Variants in TUBA1C observed in about 807,000 individuals in gnomAD.
TUBA1C encodes the protein tubulin alpha 1c, also known as tubulin alpha-1C chain.
TUBA1C carries 16 observed loss-of-function variants against 34.9 expected under a neutral mutation model. The observed-to-expected ratio is 0.46, with a 90% CI of 0.31 to 0.70. The LOEUF (loss-of-function observed/expected upper bound fraction) is 0.70, where lower values mean the gene tolerates loss of function less well. Ranked by LOEUF, TUBA1C falls within the 30% of genes least tolerant of loss-of-function variation. The pLI, the probability that TUBA1C is intolerant of heterozygous loss-of-function variation, is 0.05. For synonymous variants in TUBA1C, 177 were observed against 215.9 expected, an observed-to-expected ratio of 0.82 and a Z score of 1.58; for missense variants, 329 against 587.3, an observed-to-expected ratio of 0.56 and a Z score of 4.55.
In TUBA1C at chr12:49,269,461, A is replaced by G; in HGVS notation, c.4-4A>G. ...CCTGACATTTTCCTTTCTTCCTCCC[A>G]CAGCGTGAGTGCATCTCCATCCACG... On this transcript the variant is annotated splice_region_variant and splice_polypyrimidine_tract_variant and intron_variant, in intron 1 of 3. Transcript: ENST00000301072. The G allele has an allele frequency of 1.9e-6, 3 of 1,614,080 alleles. No homozygotes were observed. Among genetic ancestry groups the G allele is most frequent in the Non-Finnish European group, 2.5e-6 (3 of 1,180,014 alleles).
At chr12:49,256,409 G>C (rs1342244960) in intron 1 of TUBA1C, 1 of 455,126 alleles carries the variant, frequency 2.2e-6, no homozygotes, top group Non-Finnish European at 4.4e-6. Context: ...TGTGAACCCA[G>C]CTCTGTCCCT....
At chr12:49,267,831 T>C (rs192226858) in intron 1 of TUBA1C, among the ~76,000 whole-genome samples, 1 of 151,990 alleles carries the variant, frequency 6.6e-6, no homozygotes, top group Admixed American at 6.6e-5. Flanking sequence ...GTAATTAGGG[T>C]TTTTATTATC....
intron 1 of TUBA1C, among the ~76,000 whole-genome samples, chr12:49,251,205 C>G (rs1165089081): frequency 6.6e-6 from 1 of 152,106 alleles, no homozygotes; most frequent in Non-Finnish European, 1.5e-5. Context: ...GAGACCCTGT[C>G]TCAAGAACAA....
chr12:49,270,126 C>T (rs1942972048), intron 3 of TUBA1C, 150 bp downstream of exon 3: 1 of 1,488,096 alleles, frequency 6.7e-7, no homozygotes, highest in Non-Finnish European at 9.3e-7. Flanking sequence ...ATTTCTGAAC[C>T]AGATGATCTT....
intron 1 of TUBA1C, among the ~76,000 whole-genome samples, chr12:49,240,297 A>G (rs936327767): frequency 3.8e-5 from 5 of 131,016 alleles, no homozygotes; most frequent in African/African-American, 1.6e-4. Flanking sequence ...CCATTCTCTG[A>G]AAAAAAAAAA....
In TUBA1C at chr12:49,269,648, C is replaced by G; in HGVS notation, c.187C>G (p.Pro63Ala). The G allele has an allele frequency of 3.1e-6, 5 of 1,614,170 alleles. No individual in the cohort carries two copies. Among genetic ancestry groups the G allele is most frequent in the Non-Finnish European group, 4.2e-6 (5 of 1,180,032 alleles). Residue 63 changes from proline (P) to alanine (A), a missense_variant, in exon 2 of 4, where the codon CCC (proline) becomes GCC (alanine). Physicochemically the swap from Pro to Ala is conservative, Grantham distance 27. Transcript: ENST00000301072. The part of the protein sequence containing the change: ...FSETGAGKHV[P>A]RAVFVDLEPT... ...TGAAACGGGTGCTGGCAAGCATGTG[C>G]CCCGGGCAGTGTTTGTAGACTTGGA...
intron 1 of TUBA1C, among the ~76,000 whole-genome samples, chr12:49,265,990 C>T (rs1049089379): frequency 7.9e-6 from 1 of 127,260 alleles, no homozygotes; most frequent in African/African-American, 3.2e-5. Context: ...AAACGCTGGG[C>T]GTGGTGGCGC....
At chr12:49,228,897 G>A (rs1942466227) in intron 1 of TUBA1C, among the ~76,000 whole-genome samples, 1 of 152,152 alleles carries the variant, frequency 6.6e-6, no homozygotes, top group Non-Finnish European at 1.5e-5. Flanking sequence ...CTGCAGATAA[G>A]GAAACTAAGG....
At chr12:49,266,813 C>T (rs1008624093) in intron 1 of TUBA1C, among the ~76,000 whole-genome samples, 1 of 152,204 alleles carries the variant, frequency 6.6e-6, no homozygotes, top group East Asian at 1.9e-4. Flanking sequence ...CGCACCACTG[C>T]ACTCCAGCGA....
rs181607999 is a variant in TUBA1C, at chr12:49,255,577, G to A, written c.214-13888G>A. The stretch of plus-strand genomic sequence containing the variant: ...GATTCGTCTTTTCTTTTTGTTTTTC[G>A]AGACTGAGTCTCATTCTATCACCCA... On this transcript the variant is annotated intron_variant, in intron 1 of 3. Coordinates refer to the TUBA1C transcript ENST00000541364. Among the ~76,000 whole-genome samples the A allele has an allele frequency of 3.9e-3, 599 of 151,732 alleles. 4 individuals carry two copies. The highest frequency in any genetic ancestry group is 5.6e-3 in the African/African-American group (232 of 41,392).
At position 49,273,224 on chromosome 12, in the gene TUBA1C, T is replaced by C. The variant is rs1311849155; in HGVS notation, c.1347T>C (p.Tyr449=). The change falls in exon 4 of 4, where the codon TAT becomes TAC. Residue 449 remains tyrosine (Y), a synonymous_variant. Transcript: ENST00000301072. ...ACGGAGAGGATGAGGGTGAAGAGTA[T>C]TAACCTGTGTGCTGTACTTTTACAC... The part of the protein sequence containing the change: ...SADGEDEGEE[Y] The C allele has an allele frequency of 6.2e-7, 1 of 1,614,086 alleles. No homozygotes were observed. The highest frequency in any genetic ancestry group is 1.3e-5 in the African/African-American group (1 of 74,928).
At chr12:49,246,609 A>G (rs1239755773) in intron 1 of TUBA1C, among the ~76,000 whole-genome samples, 1 of 151,800 alleles carries the variant, frequency 6.6e-6, no homozygotes, top group Admixed American at 6.6e-5. Flanking sequence ...CGGGAGGCGG[A>G]GCTTGCAGTG....
chr12:49,235,948 C>A (rs1942550871), intron 1 of TUBA1C, among the ~76,000 whole-genome samples: 1 of 152,156 alleles, frequency 6.6e-6, no homozygotes. Context: ...ACTATGCTTT[C>A]CATCAGTGCA....
intron 1 of TUBA1C, among the ~76,000 whole-genome samples, chr12:49,267,368 T>C (rs1430291749): frequency 2.6e-5 from 4 of 151,990 alleles, no homozygotes; most frequent in African/African-American, 7.3e-5. Flanking sequence ...CAGTTAAAGG[T>C]AAACATGATG....
chr12:49,262,542 G>C (rs1942851901), upstream of TUBA1C, among the ~76,000 whole-genome samples: 1 of 151,806 alleles, frequency 6.6e-6, no homozygotes, highest in Admixed American at 6.6e-5. Flanking sequence ...CATTTTGGGA[G>C]GCTGAGCCTG....
intron 1 of TUBA1C, among the ~76,000 whole-genome samples, chr12:49,247,235 A>G (rs544448513): frequency 1.3e-5 from 2 of 152,234 alleles, no homozygotes; most frequent in Admixed American, 6.5e-5. Context: ...GACAGAGCTC[A>G]TAGATTTAGC....
At chr12:49,270,948 C>T (rs1177560794) in intron 3 of TUBA1C, among the ~76,000 whole-genome samples, 3 of 152,058 alleles carry the variant, frequency 2.0e-5, no homozygotes, top group African/African-American at 4.8e-5. Context: ...CACTGCACTC[C>T]AGCCTGGGCG....
intron 1 of TUBA1C, among the ~76,000 whole-genome samples, chr12:49,241,855 G>T (rs1942620565): frequency 6.6e-6 from 1 of 151,834 alleles, no homozygotes; most frequent in Admixed American, 6.6e-5. Context: ...TTACTATGTT[G>T]CCCAGGCTGG....
At chr12:49,245,580 G>T (rs1942658748) in intron 1 of TUBA1C, among the ~76,000 whole-genome samples, 1 of 152,112 alleles carries the variant, frequency 6.6e-6, no homozygotes, top group African/African-American at 2.4e-5. Flanking sequence ...CCCCAACCTG[G>T]ATGAAAAAAA....
Sources: allele counts gnomAD v4.1 joint callset (sites outside exome capture counted in the v4.1 genomes callset), GRCh38; gene constraint gnomAD v4.1.1; transcripts MANE v1.5; gene names NCBI Gene and HGNC (gene_info 2026-07-23, HGNC 2026-07-21).